Variants in PPP1R21 observed in about 807,000 individuals in gnomAD.
PPP1R21 encodes the protein KLRAQ motif containing 1.
Under a neutral mutation model 112.8 loss-of-function variants are expected in PPP1R21, and 85 were observed. The ratio of observed to expected loss-of-function variants is 0.75; its 90% CI spans 0.63 to 0.90. The LOEUF is 0.90. PPP1R21 is among the 40% of genes least tolerant of loss of function. PPP1R21 has a pLI of 0.00. For synonymous variants in PPP1R21, 381 were observed against 322.3 expected (o/e 1.18, Z -1.95); for missense variants, 1,199 against 901.5 (o/e 1.33, Z -4.23).
chr2:48,445,861 A>G (rs1667223762), intron 1 of PPP1R21, among the ~76,000 whole-genome samples: 1 of 152,212 alleles, frequency 6.6e-6, no homozygotes. Flanking sequence ...GTAGGCAGAA[A>G]GAAAGACTAA....
intron 2 of PPP1R21, among the ~76,000 whole-genome samples, chr2:48,451,911 C>G (rs1415203094): frequency 1.3e-5 from 2 of 152,164 alleles, no homozygotes; most frequent in South Asian, 2.1e-4. Context: ...TGTCCTTTTA[C>G]GTAGTCAGTT....
intron 11 of PPP1R21, 37 bp from the exon 12 acceptor site, chr2:48,474,646 T>C (rs1249366734): frequency 6.4e-7 from 1 of 1,574,660 alleles, no homozygotes; most frequent in East Asian, 2.3e-5. Flanking sequence ...GAAAATCGTT[T>C]GGGATGCTCA....
At chr2:48,476,837 A>G (rs552042403) in intron 12 of PPP1R21, among the ~76,000 whole-genome samples, 3 of 152,270 alleles carry the variant, frequency 2.0e-5, no homozygotes, top group Non-Finnish European at 2.9e-5. Context: ...TGTATTATAC[A>G]TACAAGTCAC....
chr2:48,475,053 GTTAAA>G (rs753500787), intron 12 of PPP1R21, among the ~76,000 whole-genome samples: 7 of 152,152 alleles, frequency 4.6e-5, no homozygotes, highest in Non-Finnish European at 1.0e-4. Flanking sequence ...TGATTATTGA[GTTAAA>G]TTAAGAACGT....
At chr2:48,503,453 A>G (rs1385682392) in intron 17 of PPP1R21, among the ~76,000 whole-genome samples, 2 of 152,144 alleles carry the variant, frequency 1.3e-5, no homozygotes, top group Non-Finnish European at 2.9e-5. Context: ...ATAATGTCTC[A>G]TTTTTATGTA....
In PPP1R21 at chr2:48,440,863, C is replaced by G; in HGVS notation, c.-91C>G. The G allele has an allele frequency of 2.2e-6, 2 of 929,654 alleles. No homozygotes were observed. The highest frequency in any genetic ancestry group is 2.9e-5 in the South Asian group (2 of 69,722). The allele number at this position is 929,654 out of a possible 1,614,324, so 57.6% of individuals were successfully genotyped here. A position where few individuals can be genotyped will look rare whatever the true frequency, so the allele number is the denominator to read the frequency against. On this transcript the variant is annotated 5_prime_UTR_variant, in exon 1 of 22. Coordinates refer to ENST00000294952, the MANE Select transcript of PPP1R21 (RefSeq NM_001135629.3). ...CGGTGGCCAAGCAGGCAGATACTGC[C>G]TGACCCGTTCCCGGGAGCGTGTCTG...
At chr2:48,483,432 C>T (rs1212809110) in intron 13 of PPP1R21, among the ~76,000 whole-genome samples, 1 of 151,884 alleles carries the variant, frequency 6.6e-6, no homozygotes, top group Non-Finnish European at 1.5e-5. Flanking sequence ...ATCCGCCTGC[C>T]TCGGCCTCTC....
chr2:48,448,644 ATT>A (rs1558416447), intron 1 of PPP1R21, among the ~76,000 whole-genome samples: 1 of 148,946 alleles, frequency 6.7e-6, no homozygotes, highest in African/African-American at 2.5e-5. Context: ...CAGTATTGCT[ATT>A]TTTTTGGCTA....
At position 48,454,635 on chromosome 2, in the gene PPP1R21, A is replaced by G; in HGVS notation, c.167A>G (p.Gln56Arg). Residue 56 changes from glutamine to arginine, a missense_variant, in exon 3 of 22, where the codon CAA becomes CGA. Transcript: ENST00000294952. The stretch of plus-strand genomic sequence containing the variant: ...AAGGATCAGTCATTGAGAAAACTAC[A>G]ACAGGAAATGGACAGTTTGACATTT... ...KMKDQSLRKL[Q>R]QEMDSLTFRN... 1 of 1,614,190 alleles carries G rather than the reference A, an allele frequency of 6.2e-7. No individual in the cohort carries two copies. The highest frequency in any genetic ancestry group is 8.5e-7 in the Non-Finnish European group (1 of 1,179,982).
At chr2:48,442,286 C>T (rs915989474) in intron 1 of PPP1R21, among the ~76,000 whole-genome samples, 4 of 152,040 alleles carry the variant, frequency 2.6e-5, no homozygotes, top group African/African-American at 9.7e-5. Flanking sequence ...ATGATCAACA[C>T]CTGTGAAAAG....
At chr2:48,506,646 T>A (rs939544112) in intron 18 of PPP1R21, among the ~76,000 whole-genome samples, 3 of 152,158 alleles carry the variant, frequency 2.0e-5, no homozygotes, top group African/African-American at 7.2e-5. Flanking sequence ...TAGAAATAGT[T>A]TAATTTGTTA....
At chr2:48,510,699 G>A (rs1572902545) in intron 20 of PPP1R21, among the ~76,000 whole-genome samples, 2 of 152,340 alleles carry the variant, frequency 1.3e-5, no homozygotes, top group South Asian at 4.1e-4. Context: ...GAAGAGAGAT[G>A]AAGGGTGCTT....
intron 17 of PPP1R21, among the ~76,000 whole-genome samples, chr2:48,499,238 A>G (rs550127284): frequency 3.0e-3 from 463 of 152,254 alleles, no homozygotes; most frequent in Non-Finnish European, 5.6e-3. Context: ...AGTAAGCAGG[A>G]TATCTCCTTC....
At chr2:48,504,858 G>A (rs1670301951) in intron 17 of PPP1R21, among the ~76,000 whole-genome samples, 1 of 152,066 alleles carries the variant, frequency 6.6e-6, no homozygotes, top group South Asian at 2.1e-4. Flanking sequence ...GCCAGGCATG[G>A]TGACTCATGC....
chr2:48,471,132 G>A lies in PPP1R21; in HGVS notation c.943G>A (p.Glu315Lys). ...AAATGCGTCCTATGTCCGCCCTCTT[G>A]AGGAAGGAATGCTTCATTTATTTGA... ...HENASYVRPL[E>K]EGMLHLFESI... Residue 315 changes from glutamate to lysine, a missense_variant, in exon 10 of 22, where the codon GAG becomes AAG. Coordinates refer to ENST00000294952, the MANE Select transcript of PPP1R21 (RefSeq NM_001135629.3). The A allele has an allele frequency of 6.2e-7, 1 of 1,613,134 alleles. No individual in the cohort carries two copies. The highest frequency in any genetic ancestry group is 8.5e-7 in the Non-Finnish European group (1 of 1,179,156).
intron 15 of PPP1R21, 83 bp downstream of exon 15, chr2:48,491,253 A>G (rs1399233185): frequency 1.4e-6 from 2 of 1,453,634 alleles, no homozygotes; most frequent in Non-Finnish European, 1.9e-6. Flanking sequence ...TCTGCAGTTT[A>G]TATTGTTGAC....
intron 13 of PPP1R21, among the ~76,000 whole-genome samples, chr2:48,485,035 T>C (rs1300791243): frequency 2.6e-5 from 4 of 152,034 alleles, no homozygotes; most frequent in Admixed American, 6.5e-5. Context: ...AGCAATTCAG[T>C]ATACAAAAAG....
rs1667954216 is a variant in PPP1R21, at chr2:48,461,060, CT to C, written c.600-77del. The C allele has an allele frequency of 2.3e-5, 35 of 1,507,960 alleles. No individual in the cohort carries two copies. The South Asian group carries it at 4.2e-4, about 18-fold the overall frequency. 93.4% of individuals were successfully genotyped at this position (1,507,960 alleles called of 1,614,324 possible). ...CAGTTCTCTGGAAGCCTACTACCAG[CT>C]GTTGAGGTAACAAATAAATGAGGAT... On this transcript the variant is annotated intron_variant, in intron 6 of 21. Transcript: ENST00000294952.
intron 17 of PPP1R21, among the ~76,000 whole-genome samples, chr2:48,503,762 A>G (rs1353654373): frequency 2.0e-5 from 3 of 151,978 alleles, no homozygotes; most frequent in African/African-American, 4.8e-5. Context: ...CCTGGCCAAC[A>G]TGGTGAAACC....
Sources: allele counts gnomAD v4.1 joint callset (sites outside exome capture counted in the v4.1 genomes callset), GRCh38; gene constraint gnomAD v4.1.1; transcripts MANE v1.5; gene names NCBI Gene and HGNC (gene_info 2026-07-23, HGNC 2026-07-21).